The following RBMS2 variants were observed in gnomAD, a reference collection of about 807,000 sequenced individuals.
The protein encoded by RBMS2 is RNA binding motif single stranded interacting protein 2.
A neutral mutation model predicts 58.4 loss-of-function variants in RBMS2; 38 were observed. That is an observed-to-expected ratio of 0.65 (90% CI 0.50 to 0.85). RBMS2 has a LOEUF of 0.85. Ranked by LOEUF, RBMS2 falls within the 40% of genes least tolerant of loss-of-function variation. The probability of loss-of-function intolerance (pLI) is 0.00; values close to 1 mark genes in which losing one functional copy is unlikely to be tolerated. For missense variants in RBMS2, 367 were observed against 503.7 expected (o/e 0.73, Z 2.60); for synonymous variants, 151 against 180.7 (o/e 0.84, Z 1.32).
chr12:56,558,940 A>C (rs1372465961), intron 1 of RBMS2, among the ~76,000 whole-genome samples: 1 of 151,940 alleles, frequency 6.6e-6, no homozygotes, highest in Non-Finnish European at 1.5e-5. Flanking sequence ...TATGTTGCTC[A>C]GGCTAGTCTC....
chr12:56,591,413 A>T lies in RBMS2; in HGVS notation c.*2280A>T, dbSNP rs1885296845. The T allele has an allele frequency of 6.6e-6, 1 of 152,146 alleles. No individual in the cohort carries two copies. Among genetic ancestry groups the T allele is most frequent in the South Asian group, 2.1e-4 (1 of 4,834 alleles). The allele number at this position is 152,146 out of a possible 1,614,324, so 9.4% of individuals were successfully genotyped here. A position where few individuals can be genotyped will look rare whatever the true frequency, so the allele number is the denominator to read the frequency against. On this transcript the variant is annotated 3_prime_UTR_variant, in exon 14 of 14. Coordinates refer to ENST00000262031, the MANE Select transcript of RBMS2 (RefSeq NM_002898.4). ...AGTGCGGGGCAATGGGTAGGATATA[A>T]AGCGTAAAGGACAAATTGCCGCAGT...
chr12:56,549,585 A>G (rs1206424649), intron 1 of RBMS2, among the ~76,000 whole-genome samples: 2 of 152,158 alleles, frequency 1.3e-5, no homozygotes, highest in East Asian at 1.9e-4. Context: ...TGAAGGAGTT[A>G]TATATTTTTA....
At chr12:56,537,151 C>T (rs1424146095) in intron 1 of RBMS2, among the ~76,000 whole-genome samples, 2 of 151,884 alleles carry the variant, frequency 1.3e-5, no homozygotes, top group Admixed American at 6.6e-5. Context: ...GAACTCCTGA[C>T]CTCAAGCAGT....
At chr12:56,533,296 C>G (rs1565729461) in intron 1 of RBMS2, among the ~76,000 whole-genome samples, 1 of 151,328 alleles carries the variant, frequency 6.6e-6, no homozygotes, top group Non-Finnish European at 1.5e-5. Flanking sequence ...GACACAGGGA[C>G]TCGCTATGTT....
At chr12:56,588,420 G>A (rs768786011) in intron 12 of RBMS2, 46 bp downstream of exon 12, 39 of 1,521,018 alleles carry the variant, frequency 2.6e-5, no homozygotes, top group Non-Finnish European at 3.4e-5. Context: ...GAAAATGAAC[G>A]GAGGCAGGTT....
chr12:56,573,375 G>T (rs1882619198), intron 5 of RBMS2, among the ~76,000 whole-genome samples: 1 of 151,072 alleles, frequency 6.6e-6, no homozygotes, highest in Non-Finnish European at 1.5e-5. Context: ...TACTCGGGAG[G>T]CTGAGGCAGG....
intron 2 of RBMS2, among the ~76,000 whole-genome samples, chr12:56,568,503 A>G (rs1358845808): frequency 6.7e-6 from 1 of 148,658 alleles, no homozygotes; most frequent in Non-Finnish European, 1.5e-5. Context: ...ATGGGTTTAT[A>G]TTAAGTGTGG....
chr12:56,525,013 C>T (rs535880772), intron 1 of RBMS2, among the ~76,000 whole-genome samples: 6 of 150,588 alleles, frequency 4.0e-5, no homozygotes, highest in Admixed American at 2.6e-4. Context: ...TGAGCCACTG[C>T]GCCTGGCCCC....
At chr12:56,569,866 C>T (rs749339909) in intron 3 of RBMS2, 33 bp from the exon 4 acceptor site, 225 of 1,555,704 alleles carry the variant, frequency 1.4e-4, no homozygotes, top group Non-Finnish European at 1.9e-4. Context: ...TTACACCTCC[C>T]ACTTCCTAGT....
chr12:56,526,451 G>T (rs1375787906), intron 1 of RBMS2, among the ~76,000 whole-genome samples: 1 of 152,044 alleles, frequency 6.6e-6, no homozygotes, highest in African/African-American at 2.4e-5. Flanking sequence ...TTATTGGCTG[G>T]TGGTAAATAT....
Position 56,595,840 on chromosome 12 carries a change from C to T in RBMS2, c.*6707C>T, listed in dbSNP as rs1220268310. 1 of 152,022 alleles carries T rather than the reference C, an allele frequency of 6.6e-6. No homozygotes were observed. The highest frequency in any genetic ancestry group is 2.4e-5 in the African/African-American group (1 of 41,210). 9.4% of individuals were successfully genotyped at this position (152,022 alleles called of 1,614,324 possible). On this transcript the variant is annotated 3_prime_UTR_variant, in exon 14 of 14. Transcript: ENST00000262031. ...ACAGGAGCCCCTGTTGTTCCCTTGCCTGTGGTCTCTTAAGCCAGTCATACC... is the reference window on the plus strand; with the variant it reads ...ACAGGAGCCCCTGTTGTTCCCTTGCTTGTGGTCTCTTAAGCCAGTCATACC...
intron 1 of RBMS2, among the ~76,000 whole-genome samples, chr12:56,554,933 C>T (rs1228483218): frequency 1.3e-5 from 2 of 151,838 alleles, no homozygotes; most frequent in Non-Finnish European, 2.9e-5. Context: ...AACCAGTTTT[C>T]TCATTGATGA....
chr12:56,544,102 C>G (rs956018605), intron 1 of RBMS2, among the ~76,000 whole-genome samples: 2 of 151,584 alleles, frequency 1.3e-5, no homozygotes, highest in African/African-American at 4.8e-5. Context: ...ATGGTGAAAC[C>G]CCATCTCTAC....
Position 56,536,200 on chromosome 12 carries a change from C to CAAAAAAAAAA in RBMS2, c.66+14130_66+14139dup, listed in dbSNP as rs71446560. On this transcript the variant is annotated intron_variant, in intron 1 of 13. Coordinates refer to ENST00000262031, the MANE Select transcript of RBMS2 (RefSeq NM_002898.4). ...GGGTGACAAGAGTGAAACTCTGTCT[C>CAAAAAAAAAA]AAAAAAAAAAAAAAAAAAAAAAAAA... Among the ~76,000 whole-genome samples, 149 of 76,436 alleles carry CAAAAAAAAAA rather than the reference C, an allele frequency of 1.9e-3. 3 individuals are homozygous for CAAAAAAAAAA. Among genetic ancestry groups the CAAAAAAAAAA allele is most frequent in the African/African-American group, 9.1e-3 (142 of 15,612 alleles). 50.1% of individuals were successfully genotyped at this position (76,436 alleles called of 152,430 possible). A position where few individuals can be genotyped will look rare whatever the true frequency, so the allele number is the denominator to read the frequency against.
At chr12:56,582,917 G>A (rs528036320) in intron 9 of RBMS2, among the ~76,000 whole-genome samples, 17 of 152,048 alleles carry the variant, frequency 1.1e-4, no homozygotes, top group African/African-American at 3.6e-4. Context: ...TGATCCGCCC[G>A]CCTCGGCCTC....
intron 7 of RBMS2, 136 bp downstream of exon 7, chr12:56,581,644 A>T: frequency 8.8e-7 from 1 of 1,137,694 alleles, no homozygotes; most frequent in Non-Finnish European, 1.3e-6. Flanking sequence ...GGCTGTGAAC[A>T]TACTGCCAGT....
intron 5 of RBMS2, among the ~76,000 whole-genome samples, chr12:56,579,671 A>AT (rs1289969665): frequency 6.6e-6 from 1 of 152,026 alleles, no homozygotes; most frequent in East Asian, 1.9e-4. Context: ...AATGGTTCAT[A>AT]TTTCTGGTGG....
At position 56,541,415 on chromosome 12, in the gene RBMS2, G is replaced by T. The variant is rs140690300; in HGVS notation, c.66+19326G>T. On this transcript the variant is annotated intron_variant, in intron 1 of 13. Coordinates refer to ENST00000262031, the MANE Select transcript of RBMS2 (RefSeq NM_002898.4). Reference sequence around the variant, plus strand: ...AATAATAGGATTTGCAAACTGGTAGGGCTGTACTCTAACCTTTACCCCACT... The same window carrying T: ...AATAATAGGATTTGCAAACTGGTAGTGCTGTACTCTAACCTTTACCCCACT... Among the ~76,000 whole-genome samples, 704 of 151,904 alleles carry T rather than the reference G, an allele frequency of 4.6e-3. 3 individuals carry two copies. Among genetic ancestry groups the T allele is most frequent in the African/African-American group, 0.016 (674 of 41,420 alleles).
chr12:56,527,266 T>A (rs1315102058), intron 1 of RBMS2, among the ~76,000 whole-genome samples: 2 of 152,332 alleles, frequency 1.3e-5, no homozygotes, highest in African/African-American at 2.4e-5. Flanking sequence ...CTAACATCTC[T>A]TGACTGGGGC....
Sources: gnomAD v4.1 joint callset for allele counts (sites outside exome capture counted in the v4.1 genomes callset) on GRCh38, gnomAD v4.1.1 for gene constraint, MANE v1.5 for transcripts, NCBI Gene and HGNC (gene_info 2026-07-23, HGNC 2026-07-21) for gene names.